FCN3: variants seen among roughly 807,000 people sequenced by gnomAD.
FCN3 encodes ficolin 3.
In FCN3, 28 loss-of-function variants were observed where a neutral mutation model predicts 31.5. That is an observed-to-expected ratio of 0.89 (90% confidence interval 0.66 to 1.22). FCN3 has a LOEUF of 1.22. FCN3 is among the 50% of genes most tolerant of loss of function. The pLI, the probability that FCN3 is intolerant of heterozygous loss-of-function variation, is 0.00. For missense variants in FCN3, 351 were observed against 386.8 expected (o/e 0.91, Z 0.78); for synonymous variants, 124 against 147.4 (o/e 0.84, Z 1.15).
intron 7 of FCN3, chr1:27,370,341 G>T: frequency 4.2e-6 from 2 of 479,796 alleles, no homozygotes; most frequent in Non-Finnish European, 7.5e-6. Context: ...GGAAACTGAG[G>T]CTCAGTGGAG....
intron 2 of FCN3, 122 bp from the exon 3 acceptor site, chr1:27,374,131 G>A (rs930951899): frequency 1.8e-5 from 16 of 911,234 alleles, no homozygotes; most frequent in South Asian, 4.5e-5. Context: ...TTGTGATTGC[G>A]GGCAAATATC....
In FCN3 at chr1:27,370,838, C is replaced by G. The variant is rs756684452; in HGVS notation, c.523+5G>C. ...CCAGACTCCAGGACCCTGCTGGGAA[C>G]TCACCCTGGAGAGTAAGCTGGTGCA... On this transcript the variant is annotated splice_donor_5th_base_variant and intron_variant, in intron 6 of 7. Transcript: ENST00000270879. 4 of 1,613,910 alleles carry G rather than the reference C, an allele frequency of 2.5e-6. No homozygotes were observed. The Admixed American group carries it at 5.0e-5, about 20-fold the overall frequency.
chr1:27,373,163 G>A lies in FCN3; in HGVS notation c.366C>T (p.Asp122=). The A allele has an allele frequency of 6.2e-7, 1 of 1,614,004 alleles. No individual in the cohort carries two copies. Among genetic ancestry groups the A allele is most frequent in the Non-Finnish European group, 8.5e-7 (1 of 1,179,960 alleles). Reference sequence around the variant, plus strand: ...GCCAGCCGCCCCCCTCGGTGTCCATGTCACAAAAGACTGGGAGGGCCCTGC... The same window carrying A: ...GCCAGCCGCCCCCCTCGGTGTCCATATCACAAAAGACTGGGAGGGCCCTGC... ...PEGRALPVFC[D]MDTEGGGWLV... is the part of the protein sequence containing the mutation. Residue 122 remains aspartate, a synonymous_variant, in exon 5 of 8, where the codon GAC becomes GAT. Coordinates refer to ENST00000270879, the MANE Select transcript of FCN3 (RefSeq NM_003665.4).
chr1:27,373,718 T>C lies in FCN3; in HGVS notation c.233-198A>G, dbSNP rs1311912089. 8 of 658,746 alleles carry C rather than the reference T, an allele frequency of 1.2e-5. No homozygotes were observed. The East Asian group carries it at 2.2e-4, about 18-fold the overall frequency. 40.8% of individuals were successfully genotyped at this position (658,746 alleles called of 1,614,324 possible). Reference sequence around the variant, plus strand: ...ACTCCTCCCAGCCTTCCAAACCCTGTAGGAGGGCCTTCATAGGGTACCCAG... The same window carrying C: ...ACTCCTCCCAGCCTTCCAAACCCTGCAGGAGGGCCTTCATAGGGTACCCAG... On this transcript the variant is annotated intron_variant, in intron 3 of 7. Coordinates refer to ENST00000270879, the MANE Select transcript of FCN3 (RefSeq NM_003665.4).
At position 27,373,571 on chromosome 1, in the gene FCN3, G is replaced by A. The variant is rs768309002; in HGVS notation, c.233-51C>T. Reference sequence around the variant, plus strand: ...GGCTCTGATGTCTCAGCACCCCAGCGCTGAGCCACCAGTGGAGCCGGTACC... The same window carrying A: ...GGCTCTGATGTCTCAGCACCCCAGCACTGAGCCACCAGTGGAGCCGGTACC... On this transcript the variant is annotated intron_variant, in intron 3 of 7. Transcript: ENST00000270879. 77 of 1,599,596 alleles carry A rather than the reference G, an allele frequency of 4.8e-5. No homozygotes were observed. The South Asian group carries it at 5.9e-4, about 12-fold the overall frequency.
chr1:27,373,249 G>C lies in FCN3; in HGVS notation c.280C>G (p.Arg94Gly), dbSNP rs770491474. The C allele has an allele frequency of 5.6e-6, 9 of 1,613,970 alleles. No individual in the cohort carries two copies. The highest frequency in any genetic ancestry group is 6.8e-6 in the Non-Finnish European group (8 of 1,179,988). Residue 94 changes from arginine (R) to glycine (G), a missense_variant, in exon 5 of 8, where the codon CGG (arginine) becomes GGG (glycine). Arg to Gly is a moderately radical substitution (Grantham distance 125, BLOSUM62 -2). Coordinates refer to ENST00000270879, the MANE Select transcript of FCN3 (RefSeq NM_003665.4). The part of the protein sequence containing the change: ...LRCQEGPRNC[R>G]ELLSQGATLS... ...GTGGCGCCCTGGCTCAACAGCTCCC[G>C]GCAGTTTCTGGGGCCTGGGAAAGGG...
At chr1:27,374,480 C>T in intron 1 of FCN3, 29 bp from the exon 2 acceptor site, 1 of 1,457,714 alleles carries the variant, frequency 6.9e-7, no homozygotes, top group Non-Finnish European at 9.6e-7. Context: ...AGGGTGGGCA[C>T]AGGGTAGACT....
rs756190859 is a variant in FCN3 at position 27,369,402 on chromosome 1, C to T, written c.734G>A (p.Cys245Tyr). ...DADHDSSNSN[C>Y]AVIVHGAWWY... ...CCAGGCACCGTGGACAATCACTGCA[C>T]AGTTGCTGTTGCTTGAATCGTGGTC... The change falls in exon 8 of 8, where the codon TGT becomes TAT. Residue 245 changes from cysteine (C) to tyrosine (Y), a missense_variant. Physicochemically the swap from Cys to Tyr is radical, Grantham distance 194. Coordinates refer to ENST00000270879, the MANE Select transcript of FCN3 (RefSeq NM_003665.4). 8.7e-6 allele frequency: 14 copies of T among 1,614,202 alleles called. No individual in the cohort carries two copies. The East Asian group carries it at 3.1e-4, about 36-fold the overall frequency.
chr1:27,370,591 C>A lies in FCN3; in HGVS notation c.658+5G>T, dbSNP rs1466578369. 1 of 1,613,662 alleles carries A rather than the reference C, an allele frequency of 6.2e-7. No homozygotes were observed. The highest frequency in any genetic ancestry group is 2.2e-5 in the East Asian group (1 of 44,892). On this transcript the variant is annotated splice_donor_5th_base_variant and intron_variant, in intron 7 of 7. Coordinates refer to ENST00000270879, the MANE Select transcript of FCN3 (RefSeq NM_003665.4). ...CCTTCCTCTGCTCCCCTTAGGCTCA[C>A]TCACCTGCAGTGCCCTCTGAGAACT...
chr1:27,369,698 T>C (rs980466112), intron 7 of FCN3, among the ~76,000 whole-genome samples: 1 of 151,624 alleles, frequency 6.6e-6, no homozygotes, highest in African/African-American at 2.4e-5. Context: ...TCCCAGCTTT[T>C]CCCCCTGTCT....
chr1:27,371,245 G>A (rs1039143096), intron 5 of FCN3, among the ~76,000 whole-genome samples: 12 of 152,292 alleles, frequency 7.9e-5, no homozygotes, highest in African/African-American at 2.6e-4. Flanking sequence ...GATGGCCAGC[G>A]CTGCTGGGTG....
In FCN3 at chr1:27,370,715, C is replaced by G; in HGVS notation, c.539G>C (p.Arg180Pro). 2 of 1,614,180 alleles carry G rather than the reference C, an allele frequency of 1.2e-6. No homozygotes were observed. Among genetic ancestry groups the G allele is most frequent in the Non-Finnish European group, 1.7e-6 (2 of 1,180,010 alleles). The change falls in exon 7 of 8, where the codon CGG (arginine) becomes CCG (proline). Residue 180 changes from arginine (R) to proline (P), a missense_variant. Coordinates refer to ENST00000270879, the MANE Select transcript of FCN3 (RefSeq NM_003665.4). ...ACCATTAAAGTCTTCCAGCTCTACC[C>G]GCAGCTCCCAGTTACCTGGAAAGAA... ...QLTLQGNWEL[R>P]VELEDFNGNR...
At chr1:27,370,491 A>G in intron 7 of FCN3, 105 bp downstream of exon 7, 1 of 969,882 alleles carries the variant, frequency 1.0e-6, no homozygotes, top group South Asian at 1.5e-5. Context: ...TGCGGAAACT[A>G]AGGCCCACAG....
intron 1 of FCN3, 87 bp from the exon 2 acceptor site, chr1:27,374,538 CACT>C: frequency 2.1e-6 from 2 of 954,522 alleles, no homozygotes; most frequent in Non-Finnish European, 3.3e-6. Context: ...CCCAGATTCC[CACT>C]GTCAGGATGC....
intron 7 of FCN3, 104 bp downstream of exon 7, chr1:27,370,492 A>T: frequency 1.0e-6 from 1 of 964,650 alleles, no homozygotes; most frequent in Non-Finnish European, 1.6e-6. Context: ...GCGGAAACTA[A>T]GGCCCACAGA....
At chr1:27,373,369 AG>A in intron 4 of FCN3, 106 bp from the exon 5 acceptor site, 1 of 1,594,398 alleles carries the variant, frequency 6.3e-7, no homozygotes, top group Non-Finnish European at 8.6e-7. Context: ...TGGCTCCTTC[AG>A]GTCCCTGAAG....
At chr1:27,374,696 G>T in intron 1 of FCN3, 32 bp downstream of exon 1, 1 of 1,285,944 alleles carries the variant, frequency 7.8e-7, no homozygotes. Flanking sequence ...AATGAGGAGT[G>T]GGTTGGTGAG....
intron 7 of FCN3, among the ~76,000 whole-genome samples, chr1:27,369,678 G>T (rs536565971): frequency 5.8e-4 from 88 of 152,254 alleles, no homozygotes; most frequent in African/African-American, 2.0e-3. Flanking sequence ...GGACTGTCTG[G>T]CTCCAAAGCT....
chr1:27,369,301 T>C lies in FCN3; in HGVS notation c.835A>G (p.Ile279Val). The change falls in exon 8 of 8, where the codon ATT (isoleucine) becomes GTT (valine). Residue 279 changes from isoleucine (I) to valine (V), a missense_variant. Coordinates refer to ENST00000270879, the MANE Select transcript of FCN3 (RefSeq NM_003665.4). ...VSEAAAHKYGIDWASGRGVGH... is the reference protein window; with the variant it reads ...VSEAAAHKYGVDWASGRGVGH... ...ACACCACGGCCTGAGGCCCAGTCAA[T>C]GCCATATTTGTGGGCGGCAGCCTCA... 6.2e-7 allele frequency: 1 copy of C among 1,614,226 alleles called. No homozygotes were observed. The highest frequency in any genetic ancestry group is 8.5e-7 in the Non-Finnish European group (1 of 1,180,032).
Sources: gnomAD v4.1 joint callset for allele counts (sites outside exome capture counted in the v4.1 genomes callset) on GRCh38, gnomAD v4.1.1 for gene constraint, MANE v1.5 for transcripts, NCBI Gene and HGNC (gene_info 2026-07-23, HGNC 2026-07-21) for gene names.